The following SUGCT variants were observed in gnomAD, a reference collection of about 807,000 sequenced individuals.
SUGCT encodes succinyl-CoA:glutarate CoA-transferase.
Under a neutral mutation model 55.0 loss-of-function variants are expected in SUGCT, and 41 were observed. That is an observed-to-expected ratio of 0.74 (90% CI 0.58 to 0.97). The LOEUF (loss-of-function observed/expected upper bound fraction) is 0.97, where lower values mean the gene tolerates loss of function less well. SUGCT is among the 50% of genes least tolerant of loss of function. The probability of loss-of-function intolerance (pLI) is 0.00; values close to 1 mark genes in which losing one functional copy is unlikely to be tolerated. For synonymous variants in SUGCT, 187 were observed against 200.4 expected, an observed-to-expected ratio of 0.93 and a Z score of 0.56; for missense variants, 568 against 547.8, an observed-to-expected ratio of 1.04 and a Z score of -0.37.
chr7:40,138,328 A>G (rs1787802564), intron 1 of SUGCT, among the ~76,000 whole-genome samples: 1 of 152,152 alleles, frequency 6.6e-6, no homozygotes, highest in Non-Finnish European at 1.5e-5. Flanking sequence ...ACATAATTTC[A>G]TTCTTTTTTA....
chr7:40,212,586 A>G (rs1258712726), intron 6 of SUGCT, among the ~76,000 whole-genome samples: 2 of 151,970 alleles, frequency 1.3e-5, no homozygotes, highest in Non-Finnish European at 2.9e-5. Flanking sequence ...CCAGGCTGGA[A>G]TGCAGTGGCG....
At chr7:40,390,401 A>C (rs1336934810) in intron 9 of SUGCT, among the ~76,000 whole-genome samples, 2 of 152,220 alleles carry the variant, frequency 1.3e-5, no homozygotes, top group Admixed American at 6.5e-5. Flanking sequence ...GTCTCAGCCC[A>C]AAATCTCCTT....
At chr7:40,411,119 G>A (rs747312580) in intron 9 of SUGCT, among the ~76,000 whole-genome samples, 33 of 152,244 alleles carry the variant, frequency 2.2e-4, no homozygotes, top group Non-Finnish European at 4.3e-4. Flanking sequence ...TTGGCTGGGC[G>A]CGGTGGCTCA....
At chr7:40,263,615 A>G (rs1309201451) in intron 7 of SUGCT, among the ~76,000 whole-genome samples, 1 of 152,216 alleles carries the variant, frequency 6.6e-6, no homozygotes, top group Non-Finnish European at 1.5e-5. Flanking sequence ...GTTGGATGCT[A>G]AAATTTGACT....
intron 12 of SUGCT, among the ~76,000 whole-genome samples, chr7:40,506,958 T>C (rs1792640583): frequency 6.6e-6 from 1 of 152,202 alleles, no homozygotes; most frequent in South Asian, 2.1e-4. Context: ...ATACCTTCCT[T>C]TACTTCTTTA....
In SUGCT at chr7:40,809,447, C is replaced by T. The variant is rs192438422; in HGVS notation, c.1154-50869C>T. ...GTGTGTGCTCTCTCTTTCACACACA[C>T]GTACACACACCCAAAAAAGTAACTT... On this transcript the variant is annotated intron_variant, in intron 13 of 13. Transcript: ENST00000335693. Among the ~76,000 whole-genome samples, 464 of 152,110 alleles carry T rather than the reference C, an allele frequency of 3.1e-3. 3 individuals carry two copies. The highest frequency in any genetic ancestry group is 0.01 in the African/African-American group (429 of 41,494).
intron 13 of SUGCT, among the ~76,000 whole-genome samples, chr7:40,839,589 T>G (rs896684512): frequency 6.6e-6 from 1 of 152,228 alleles, no homozygotes; most frequent in Non-Finnish European, 1.5e-5. Flanking sequence ...TCATTAATGA[T>G]TATAGAACTG....
chr7:40,698,736 A>G (rs953456839), intron 12 of SUGCT, among the ~76,000 whole-genome samples: 2 of 152,204 alleles, frequency 1.3e-5, no homozygotes, highest in Non-Finnish European at 2.9e-5. Context: ...TTCGTGAGTT[A>G]AAAATACTTC....
At chr7:40,402,311 G>A (rs1277173502) in intron 9 of SUGCT, among the ~76,000 whole-genome samples, 1 of 152,040 alleles carries the variant, frequency 6.6e-6, no homozygotes, top group Non-Finnish European at 1.5e-5. Flanking sequence ...TATTTTCATT[G>A]TCAAGATGAG....
rs991273178 is a variant in SUGCT at position 40,581,754 on chromosome 7, T to G, written c.1089+85368T>G. On this transcript the variant is annotated intron_variant, in intron 12 of 13. Coordinates refer to ENST00000335693, the MANE Select transcript of SUGCT (RefSeq NM_001193313.2). ...TAATTTCTGCAAGATGTAGTACAAATAGTGCCTAATTTATGGAGGCTCTGC... is the reference window on the plus strand; with the variant it reads ...TAATTTCTGCAAGATGTAGTACAAAGAGTGCCTAATTTATGGAGGCTCTGC... Among the ~76,000 whole-genome samples, 11 of 152,162 alleles carry G rather than the reference T, an allele frequency of 7.2e-5. 1 individual carries two copies. Among genetic ancestry groups the G allele is most frequent in the Non-Finnish European group, 1.5e-4 (10 of 68,020 alleles).
At chr7:40,588,312 A>T (rs994190773) in intron 12 of SUGCT, among the ~76,000 whole-genome samples, 1 of 151,808 alleles carries the variant, frequency 6.6e-6, no homozygotes, top group African/African-American at 2.4e-5. Context: ...TACATGTGCC[A>T]TGCTGGTGCG....
At chr7:40,873,398 T>C in the SUGCT span, among the ~76,000 whole-genome samples, 7 of 152,214 alleles carry the variant, frequency 4.6e-5, no homozygotes, top group Non-Finnish European at 7.3e-5. Flanking sequence ...AGATACGCAA[T>C]GGGAAGGGCA....
chr7:40,644,294 C>T (rs1421897395), intron 12 of SUGCT, among the ~76,000 whole-genome samples: 2 of 152,160 alleles, frequency 1.3e-5, no homozygotes, highest in Admixed American at 6.5e-5. Flanking sequence ...CCTTCCATGT[C>T]CAGATTAAGA....
At chr7:40,455,874 T>G (rs1371860864) in intron 10 of SUGCT, among the ~76,000 whole-genome samples, 2 of 152,196 alleles carry the variant, frequency 1.3e-5, no homozygotes, top group East Asian at 3.8e-4. Flanking sequence ...ACTTAACATG[T>G]GTTGTGCCAG....
chr7:40,340,693 C>T (rs973228503), intron 9 of SUGCT, among the ~76,000 whole-genome samples: 2 of 152,142 alleles, frequency 1.3e-5, no homozygotes, highest in Non-Finnish European at 2.9e-5. Context: ...AATAAGGAGC[C>T]AGTCCGGCTA....
At chr7:40,573,606 AAGC>A (rs888598862) in intron 12 of SUGCT, among the ~76,000 whole-genome samples, 1 of 152,236 alleles carries the variant, frequency 6.6e-6, no homozygotes, top group Non-Finnish European at 1.5e-5. Flanking sequence ...GATTTTTCAA[AAGC>A]AGCAGCAGAT....
chr7:40,456,927 G>T lies in SUGCT; in HGVS notation c.889-2174G>T, dbSNP rs928565390. On this transcript the variant is annotated intron_variant, in intron 10 of 13. Transcript: ENST00000335693. ...GTAGAACCTTCCAGACTATCTTAAG[G>T]ATTTTGGTTTTTGCTTTAAGGGGAA... 3.3e-5 allele frequency among the ~76,000 whole-genome samples: 5 copies of T among 152,166 alleles called. No homozygotes were observed. In the South Asian group the frequency reaches 1.0e-3, roughly 32 times the overall value.
chr7:40,518,970 A>G (rs1033372618), intron 12 of SUGCT, among the ~76,000 whole-genome samples: 1 of 152,150 alleles, frequency 6.6e-6, no homozygotes, highest in African/African-American at 2.4e-5. Flanking sequence ...TTTTCTTTAT[A>G]AAAGTTTTCC....
chr7:40,444,194 T>C (rs1429192866), intron 9 of SUGCT, among the ~76,000 whole-genome samples: 1 of 152,216 alleles, frequency 6.6e-6, no homozygotes, highest in African/African-American at 2.4e-5. Flanking sequence ...TAGGATTATC[T>C]TGGCAATGCG....
Sources: gnomAD v4.1 joint callset for allele counts (sites outside exome capture counted in the v4.1 genomes callset) on GRCh38, gnomAD v4.1.1 for gene constraint, MANE v1.5 for transcripts, NCBI Gene and HGNC (gene_info 2026-07-23, HGNC 2026-07-21) for gene names.